The following TAS2R1 variants were observed in gnomAD, a reference collection of about 807,000 sequenced individuals.
The protein encoded by TAS2R1 is taste receptor type 2 member 1.
For synonymous variants in TAS2R1, 141 were observed against 134.2 expected, an observed-to-expected ratio of 1.05 and a Z score of -0.35; for missense variants, 370 against 353.4, an observed-to-expected ratio of 1.05 and a Z score of -0.38.
chr5:9,666,815 A>G (rs1015976953), intron 1 of TAS2R1, among the ~76,000 whole-genome samples: 1 of 152,214 alleles, frequency 6.6e-6, no homozygotes, highest in Non-Finnish European at 1.5e-5. Flanking sequence ...TCACAGCATC[A>G]TAAAGGAAAT....
chr5:9,703,924 T>G (rs1026080833), intron 1 of TAS2R1, among the ~76,000 whole-genome samples: 1 of 152,328 alleles, frequency 6.6e-6, no homozygotes, highest in Admixed American at 6.5e-5. Flanking sequence ...CAAGATTTTA[T>G]TTAGGAGTGA....
chr5:9,693,886 T>TA (rs1268732715), intron 1 of TAS2R1, among the ~76,000 whole-genome samples: 1 of 152,236 alleles, frequency 6.6e-6, no homozygotes, highest in Admixed American at 6.5e-5. Flanking sequence ...GGCCAGTTGT[T>TA]ATGCTCAACA....
chr5:9,777,867 G>A, the TAS2R1 span, among the ~76,000 whole-genome samples: 1 of 149,952 alleles, frequency 6.7e-6, no homozygotes, highest in Admixed American at 6.8e-5. Context: ...GAGCTTTTGG[G>A]AGGCCAGGTG....
chr5:9,727,846 C>A, the TAS2R1 span, among the ~76,000 whole-genome samples: 1 of 152,212 alleles, frequency 6.6e-6, no homozygotes, highest in Admixed American at 6.5e-5. Context: ...GCAGGACTAG[C>A]TAAACACTCC....
the TAS2R1 span, among the ~76,000 whole-genome samples, chr5:9,872,957 T>G: frequency 6.6e-6 from 1 of 152,174 alleles, no homozygotes; most frequent in Non-Finnish European, 1.5e-5. Context: ...ATTGCAATCA[T>G]TTTTTTGAGG....
the TAS2R1 span, among the ~76,000 whole-genome samples, chr5:9,901,183 C>T: frequency 6.7e-6 from 1 of 150,036 alleles, no homozygotes; most frequent in African/African-American, 2.4e-5. Flanking sequence ...AACACCAGAA[C>T]AAATGGCTGT....
chr5:9,719,888 A>T, the TAS2R1 span, among the ~76,000 whole-genome samples: 29 of 142,418 alleles, frequency 2.0e-4, no homozygotes, highest in South Asian at 6.9e-4. Flanking sequence ...ACTGCACTCC[A>T]GCCTGGGCGA....
At chr5:9,852,010 GAGA>G in the TAS2R1 span, among the ~76,000 whole-genome samples, 2 of 152,154 alleles carry the variant, frequency 1.3e-5, no homozygotes, top group East Asian at 1.9e-4. Flanking sequence ...TAAGAGAGAA[GAGA>G]AGAAGAGTTT....
At chr5:9,691,348 C>G (rs923650757) in intron 1 of TAS2R1, among the ~76,000 whole-genome samples, 2 of 152,368 alleles carry the variant, frequency 1.3e-5, no homozygotes, top group Middle Eastern at 3.4e-3. Flanking sequence ...GGGAGTGTGA[C>G]CCCGCTGGCA....
At chr5:9,870,427 T>C in the TAS2R1 span, among the ~76,000 whole-genome samples, 1 of 152,180 alleles carries the variant, frequency 6.6e-6, no homozygotes, top group Non-Finnish European at 1.5e-5. Context: ...TCTTCTACCC[T>C]CCCATGAAAA....
intron 1 of TAS2R1, among the ~76,000 whole-genome samples, chr5:9,707,630 C>T (rs770199440): frequency 1.1e-4 from 16 of 152,090 alleles, no homozygotes; most frequent in Non-Finnish European, 2.4e-4. Flanking sequence ...TTGCAGTGAG[C>T]TGACATCGCA....
chr5:9,866,645 C>T, the TAS2R1 span, among the ~76,000 whole-genome samples: 1 of 152,194 alleles, frequency 6.6e-6, no homozygotes, highest in Non-Finnish European at 1.5e-5. Flanking sequence ...TTAAGCATAA[C>T]AACCAAAAAC....
chr5:9,827,930 G>A, the TAS2R1 span, among the ~76,000 whole-genome samples: 2 of 152,224 alleles, frequency 1.3e-5, no homozygotes, highest in African/African-American at 4.8e-5. Context: ...CTTGCATGAT[G>A]GAGTTTTTCA....
intron 1 of TAS2R1, among the ~76,000 whole-genome samples, chr5:9,661,686 T>G (rs575711015): frequency 6.6e-6 from 1 of 152,340 alleles, no homozygotes; most frequent in South Asian, 2.1e-4. Context: ...AACATCTGAA[T>G]TTCCTTGTTT....
chr5:9,797,863 C>T, the TAS2R1 span, among the ~76,000 whole-genome samples: 2 of 152,142 alleles, frequency 1.3e-5, no homozygotes, highest in African/African-American at 4.8e-5. Context: ...GAGAATTCAA[C>T]ATTAAACTAA....
At chr5:9,749,959 C>A in the TAS2R1 span, among the ~76,000 whole-genome samples, 1 of 152,138 alleles carries the variant, frequency 6.6e-6, no homozygotes, top group Non-Finnish European at 1.5e-5. Flanking sequence ...CTGGACATAC[C>A]CCTTTGCCTC....
chr5:9,823,350 C>A, the TAS2R1 span, among the ~76,000 whole-genome samples: 2 of 151,966 alleles, frequency 1.3e-5, no homozygotes, highest in African/African-American at 4.8e-5. Context: ...TTTAATCCTA[C>A]AGATATGCTG....
the TAS2R1 span, among the ~76,000 whole-genome samples, chr5:9,884,473 TAAAAAAAAA>T: frequency 9.2e-6 from 1 of 108,338 alleles, no homozygotes; most frequent in African/African-American, 3.5e-5. Context: ...GACTCTGACT[TAAAAAAAAA>T]AAAAAAAAAA....
the TAS2R1 span, among the ~76,000 whole-genome samples, chr5:9,855,127 T>A: frequency 6.6e-6 from 1 of 152,178 alleles, no homozygotes. Context: ...TTCTTTTACT[T>A]GGCAGACTTC....
Sources: gnomAD v4.1 joint callset for allele counts (sites outside exome capture counted in the v4.1 genomes callset) on GRCh38, gnomAD v4.1.1 for gene constraint, MANE v1.5 for transcripts, NCBI Gene and HGNC (gene_info 2026-07-23, HGNC 2026-07-21) for gene names.